Variants in MAN2A1 observed in about 807,000 individuals in gnomAD.
The protein encoded by MAN2A1 is alpha-mannosidase 2.
A neutral mutation model predicts 142.6 loss-of-function variants in MAN2A1; 76 were observed. That is an observed-to-expected ratio of 0.53 (90% CI 0.44 to 0.65). The LOEUF is 0.65. Among genes scored for constraint, MAN2A1 ranks in the 30% least tolerant of loss-of-function variants. The pLI, the probability that MAN2A1 is intolerant of heterozygous loss-of-function variation, is 0.00. For missense variants in MAN2A1, 1,311 were observed against 1,365.1 expected, an observed-to-expected ratio of 0.96 and a Z score of 0.62; for synonymous variants, 559 against 473.2, an observed-to-expected ratio of 1.18 and a Z score of -2.35.
intron 3 of MAN2A1, among the ~76,000 whole-genome samples, chr5:109,721,263 T>C (rs1467115427): frequency 6.6e-6 from 1 of 152,236 alleles, no homozygotes; most frequent in Non-Finnish European, 1.5e-5. Flanking sequence ...TTTTATTGCC[T>C]CTTAAGATAC....
chr5:109,864,758 A>G, intron 20 of MAN2A1: 1 of 374,490 alleles, frequency 2.7e-6, no homozygotes, highest in Non-Finnish European at 4.9e-6. Flanking sequence ...TATGGACATA[A>G]GGAAACCTAA....
chr5:109,813,020 C>A (rs1166331144), intron 12 of MAN2A1, among the ~76,000 whole-genome samples: 3 of 152,036 alleles, frequency 2.0e-5, no homozygotes, highest in African/African-American at 7.2e-5. Flanking sequence ...TTTTTTTAAT[C>A]TTCATTACAC....
intron 1 of MAN2A1, among the ~76,000 whole-genome samples, chr5:109,695,578 C>G (rs539670761): frequency 1.3e-5 from 2 of 152,248 alleles, no homozygotes; most frequent in African/African-American, 4.8e-5. Context: ...TTCCCTTGTT[C>G]TCCAACTTCT....
At chr5:109,822,930 G>A (rs1416483362) in intron 15 of MAN2A1, among the ~76,000 whole-genome samples, 1 of 152,146 alleles carries the variant, frequency 6.6e-6, no homozygotes, top group African/African-American at 2.4e-5. Flanking sequence ...GCCCACCTCG[G>A]CCTCCCAAAG....
chr5:109,861,827 C>T (rs183739028), intron 20 of MAN2A1, among the ~76,000 whole-genome samples: 1 of 152,218 alleles, frequency 6.6e-6, no homozygotes, highest in Non-Finnish European at 1.5e-5. Context: ...CTTGTGTCTT[C>T]AGTAATAATA....
chr5:109,690,266 C>G lies in MAN2A1; in HGVS notation c.-152C>G, dbSNP rs1410329761. 2 of 726,906 alleles carry G rather than the reference C, an allele frequency of 2.8e-6. No homozygotes were observed. Among genetic ancestry groups the G allele is most frequent in the East Asian group, 5.4e-5 (2 of 37,052 alleles). The allele number at this position is 726,906 out of a possible 1,614,324, so 45.0% of individuals were successfully genotyped here. On this transcript the variant is annotated 5_prime_UTR_variant, in exon 1 of 22. Coordinates refer to ENST00000261483, the MANE Select transcript of MAN2A1 (RefSeq NM_002372.4). The stretch of plus-strand genomic sequence containing the variant: ...GTGTGGTGGCGCCGGAGACTAGGTG[C>G]GGAGCAAGGCGGGGACTCGCACCCG...
chr5:109,799,220 T>C (rs1428188268), intron 12 of MAN2A1, among the ~76,000 whole-genome samples: 1 of 152,164 alleles, frequency 6.6e-6, no homozygotes, highest in African/African-American at 2.4e-5. Flanking sequence ...TGATGTAACT[T>C]AGCTCAAAAC....
intron 16 of MAN2A1, among the ~76,000 whole-genome samples, chr5:109,839,688 C>T (rs1383670701): frequency 1.4e-5 from 2 of 147,072 alleles, no homozygotes; most frequent in African/African-American, 5.0e-5. Flanking sequence ...TTCCGCATTT[C>T]CTCACCCATG....
intron 4 of MAN2A1, among the ~76,000 whole-genome samples, chr5:109,751,187 T>C (rs1752536909): frequency 6.6e-6 from 1 of 151,598 alleles, no homozygotes; most frequent in Non-Finnish European, 1.5e-5. Context: ...CCTTCTACTC[T>C]CCACTTCTGT....
intron 4 of MAN2A1, among the ~76,000 whole-genome samples, chr5:109,736,337 A>G (rs1054411720): frequency 6.6e-6 from 1 of 152,092 alleles, no homozygotes; most frequent in African/African-American, 2.4e-5. Context: ...TTTGTTTTAT[A>G]AAGGCAATTT....
At chr5:109,832,747 G>A (rs1023063308) in intron 16 of MAN2A1, among the ~76,000 whole-genome samples, 2 of 151,448 alleles carry the variant, frequency 1.3e-5, no homozygotes, top group Non-Finnish European at 2.9e-5. Context: ...CCTCCCGGAT[G>A]GGGCGGCTGG....
intron 20 of MAN2A1, among the ~76,000 whole-genome samples, chr5:109,858,740 A>G (rs376481644): frequency 6.6e-6 from 1 of 152,346 alleles, no homozygotes; most frequent in South Asian, 2.1e-4. Flanking sequence ...TTCCTGCCTG[A>G]CCAACTCCTT....
intron 12 of MAN2A1, among the ~76,000 whole-genome samples, chr5:109,810,624 C>T (rs1001139807): frequency 6.6e-6 from 1 of 152,164 alleles, no homozygotes; most frequent in Non-Finnish European, 1.5e-5. Context: ...TCTCTTTGTT[C>T]CCCAGTGATT....
chr5:109,856,000 C>G (rs1188602987), intron 20 of MAN2A1, among the ~76,000 whole-genome samples: 1 of 152,060 alleles, frequency 6.6e-6, no homozygotes, highest in Non-Finnish European at 1.5e-5. Context: ...GAAAATATCT[C>G]ATGGTAAATG....
In MAN2A1 at chr5:109,740,715, G is replaced by A. The variant is rs114058436; in HGVS notation, c.707+11202G>A. 7.7e-3 allele frequency among the ~76,000 whole-genome samples: 983 copies of A among 128,282 alleles called. 14 individuals carry two copies. Among genetic ancestry groups the A allele is most frequent in the African/African-American group, 0.032 (914 of 28,298 alleles). The allele number at this position is 128,282 out of a possible 152,430, so 84.2% of individuals were successfully genotyped here. On this transcript the variant is annotated intron_variant, in intron 4 of 21. Coordinates refer to ENST00000261483, the MANE Select transcript of MAN2A1 (RefSeq NM_002372.4). ...CCCTTCAGTTTAGGAGCTGTTGACC[G>A]AATCTCTCAGAATCTTCTTATTTAT...
chr5:109,791,234 ACTT>A (rs1212693483), intron 12 of MAN2A1, among the ~76,000 whole-genome samples: 1 of 152,036 alleles, frequency 6.6e-6, no homozygotes, highest in Non-Finnish European at 1.5e-5. Flanking sequence ...AATTAGGAAT[ACTT>A]CTGATTGGCA....
At chr5:109,752,836 C>G (rs1261227610) in intron 4 of MAN2A1, among the ~76,000 whole-genome samples, 1 of 152,108 alleles carries the variant, frequency 6.6e-6, no homozygotes, top group East Asian at 1.9e-4. Flanking sequence ...AGTAGCATCC[C>G]AGGCATCATG....
intron 4 of MAN2A1, among the ~76,000 whole-genome samples, chr5:109,747,008 A>G (rs554970455): frequency 6.2e-4 from 95 of 152,284 alleles, no homozygotes; most frequent in African/African-American, 2.2e-3. Context: ...AAAAACCACA[A>G]TTACTTTTGC....
At chr5:109,713,130 T>G (rs900433686) in intron 1 of MAN2A1, among the ~76,000 whole-genome samples, 12 of 152,190 alleles carry the variant, frequency 7.9e-5, no homozygotes, top group African/African-American at 2.9e-4. Flanking sequence ...TTGACCCTTG[T>G]GAGTAACTCC....
Sources: allele counts gnomAD v4.1 joint callset (sites outside exome capture counted in the v4.1 genomes callset), GRCh38; gene constraint gnomAD v4.1.1; transcripts MANE v1.5; gene names NCBI Gene and HGNC (gene_info 2026-07-23, HGNC 2026-07-21).